Variants in RYR3 observed in about 807,000 individuals in gnomAD.
RYR3 encodes the protein ryanodine receptor 3.
RYR3 carries 207 observed loss-of-function variants against 584.3 expected under a neutral mutation model. The observed-to-expected ratio is 0.35, with a 90% CI of 0.32 to 0.40. The LOEUF (loss-of-function observed/expected upper bound fraction) is 0.40, where lower values mean the gene tolerates loss of function less well. RYR3 is among the 10% of genes least tolerant of loss of function. The probability of loss-of-function intolerance (pLI) is 1.00; values close to 1 mark genes in which losing one functional copy is unlikely to be tolerated. For missense variants in RYR3, 5,616 were observed against 6,089.2 expected, an observed-to-expected ratio of 0.92 and a Z score of 2.59; for synonymous variants, 2,416 against 2,248.5, an observed-to-expected ratio of 1.07 and a Z score of -2.11.
At chr15:33,798,108 A>T (rs1596650897) in intron 67 of RYR3, among the ~76,000 whole-genome samples, 1 of 134,110 alleles carries the variant, frequency 7.5e-6, no homozygotes, top group African/African-American at 2.8e-5. Context: ...TTTTTTTGAG[A>T]TGGAGTCTTG....
intron 16 of RYR3, among the ~76,000 whole-genome samples, chr15:33,587,882 C>G (rs1448406927): frequency 3.9e-5 from 6 of 152,194 alleles, no homozygotes; most frequent in African/African-American, 1.4e-4. Context: ...GGCCAGACTT[C>G]CATTGCAACA....
chr15:33,368,843 G>A (rs902206357), intron 1 of RYR3, among the ~76,000 whole-genome samples: 12 of 152,124 alleles, frequency 7.9e-5, no homozygotes, highest in African/African-American at 2.7e-4. Flanking sequence ...AACTTAGAGC[G>A]AGGTCCAGAA....
chr15:33,857,751 T>G (rs1278017079), intron 98 of RYR3, 29 bp from the exon 99 acceptor site: 1 of 1,613,222 alleles, frequency 6.2e-7, no homozygotes. Flanking sequence ...ACCCCACTCC[T>G]TTTCCTTTCT....
chr15:33,703,746 C>G, intron 42 of RYR3, among the ~76,000 whole-genome samples: 1 of 152,232 alleles, frequency 6.6e-6, no homozygotes, highest in Middle Eastern at 3.4e-3. Context: ...AAATATCAGA[C>G]ATTTTTACAA....
At chr15:33,684,979 C>T (rs1413837384) in intron 38 of RYR3, among the ~76,000 whole-genome samples, 1 of 152,180 alleles carries the variant, frequency 6.6e-6, no homozygotes, top group Non-Finnish European at 1.5e-5. Flanking sequence ...CAGTACCAGC[C>T]ACTGCAAAAA....
At chr15:33,599,377 T>C (rs1175788173) in intron 16 of RYR3, among the ~76,000 whole-genome samples, 3 of 152,132 alleles carry the variant, frequency 2.0e-5, no homozygotes, top group Non-Finnish European at 2.9e-5. Context: ...TGACGACACG[T>C]GCCTAAGGTG....
At chr15:33,327,991 T>C (rs1969933222) in intron 1 of RYR3, among the ~76,000 whole-genome samples, 1 of 152,196 alleles carries the variant, frequency 6.6e-6, no homozygotes. Flanking sequence ...TGGGAATGAC[T>C]TGTTTTCAAT....
At chr15:33,631,757 A>G (rs2061277091) in intron 23 of RYR3, among the ~76,000 whole-genome samples, 1 of 152,152 alleles carries the variant, frequency 6.6e-6, no homozygotes, top group African/African-American at 2.4e-5. Context: ...ACACAGTTGC[A>G]CATTTCTTGT....
intron 18 of RYR3, among the ~76,000 whole-genome samples, chr15:33,608,255 A>T (rs1201135826): frequency 6.6e-6 from 1 of 152,166 alleles, no homozygotes; most frequent in African/African-American, 2.4e-5. Context: ...TGGGATTTGA[A>T]CTCAGTCCTG....
At chr15:33,681,390 C>G (rs1347269481) in intron 38 of RYR3, among the ~76,000 whole-genome samples, 1 of 152,158 alleles carries the variant, frequency 6.6e-6, no homozygotes, top group South Asian at 2.1e-4. Context: ...GGGCTGCATT[C>G]CTTCTGGACT....
At position 33,771,843 on chromosome 15, in the gene RYR3, G is replaced by A. The variant is rs74005995; in HGVS notation, c.8817-77G>A. ...AGGAGTGGCAAATGTCTGCCCAGAT[G>A]ACACTGCCAGTTTCAAGAAGGGGAT... On this transcript the variant is annotated intron_variant, in intron 62 of 103. Coordinates refer to ENST00000634891, the MANE Select transcript of RYR3 (RefSeq NM_001036.6). 2.3e-4 allele frequency: 230 copies of A among 997,820 alleles called. 1 individual carries two copies. In the African/African-American group the frequency reaches 2.9e-3, roughly 12 times the overall value. The allele number at this position is 997,820 out of a possible 1,614,324, so 61.8% of individuals were successfully genotyped here.
intron 34 of RYR3, 79 bp downstream of exon 34, chr15:33,660,502 A>G: frequency 1.0e-6 from 1 of 967,690 alleles, no homozygotes; most frequent in African/African-American, 1.6e-5. Context: ...GAAGGAAACC[A>G]GGAGCATCTG....
At chr15:33,650,401 G>A (rs2062398729) in intron 31 of RYR3, among the ~76,000 whole-genome samples, 1 of 152,068 alleles carries the variant, frequency 6.6e-6, no homozygotes, top group Admixed American at 6.6e-5. Context: ...AAAAAAATAA[G>A]TGCTGGCTTT....
chr15:33,805,735 C>T (rs560632853), intron 69 of RYR3, among the ~76,000 whole-genome samples: 4 of 152,144 alleles, frequency 2.6e-5, no homozygotes, highest in Non-Finnish European at 5.9e-5. Flanking sequence ...CCTCGGCCTC[C>T]CAAAGTGCTG....
In RYR3 at chr15:33,757,583, GA is replaced by G; in HGVS notation, c.8695del (p.Met2899TrpfsTer28). The stretch of plus-strand genomic sequence containing the variant: ...CGGATATGCCTCCCATAAGGAGAAA[GA>G]AATGGTGGCCGGGTGAGTCTACAAG... ...SSGYASHKEKEMVAGLFCKLA... is the reference protein window; with the variant it reads ...SSGYASHKEKXMVAGLFCKLA... On this transcript the variant is annotated frameshift_variant, in exon 60 of 104. Coordinates refer to ENST00000634891, the MANE Select transcript of RYR3 (RefSeq NM_001036.6). LOFTEE classifies it high-confidence loss of function. The G allele has an allele frequency of 6.2e-7, 1 of 1,610,922 alleles. No homozygotes were observed. The highest frequency in any genetic ancestry group is 8.5e-7 in the Non-Finnish European group (1 of 1,178,802).
chr15:33,425,943 G>GT (rs2044623815), intron 1 of RYR3, among the ~76,000 whole-genome samples: 1 of 152,034 alleles, frequency 6.6e-6, no homozygotes, highest in Non-Finnish European at 1.5e-5. Flanking sequence ...CGCCTGGACT[G>GT]TTTTTTTATT....
rs1315596219 is a variant in RYR3 at position 33,859,235 on chromosome 15, G to C, written c.14143-340G>C. ...GTTTATAGCACAGCCTGAAGGCCAGGCTAACACTCTTAAAATTAAATGAGG... is the reference window on the plus strand; with the variant it reads ...GTTTATAGCACAGCCTGAAGGCCAGCCTAACACTCTTAAAATTAAATGAGG... On this transcript the variant is annotated intron_variant, in intron 99 of 103. Coordinates refer to ENST00000634891, the MANE Select transcript of RYR3 (RefSeq NM_001036.6). 1.7e-5 allele frequency: 4 copies of C among 236,162 alleles called. No individual in the cohort carries two copies. In the East Asian group the frequency reaches 2.6e-4, roughly 16 times the overall value. 14.6% of individuals were successfully genotyped at this position (236,162 alleles called of 1,614,324 possible). A position where few individuals can be genotyped will look rare whatever the true frequency, so the allele number is the denominator to read the frequency against.
intron 1 of RYR3, among the ~76,000 whole-genome samples, chr15:33,443,989 G>A (rs563170945): frequency 6.6e-6 from 1 of 152,324 alleles, no homozygotes; most frequent in African/African-American, 2.4e-5. Flanking sequence ...CTCACACCCT[G>A]TAGGTTATAT....
rs775426910 is a variant in RYR3 at position 33,633,006 on chromosome 15, G to A, written c.2925G>A (p.Leu975=). 2 of 1,613,978 alleles carry A rather than the reference G, an allele frequency of 1.2e-6. No individual in the cohort carries two copies. The highest frequency in any genetic ancestry group is 8.5e-7 in the Non-Finnish European group (1 of 1,179,844). Residue 975 remains leucine, a synonymous_variant, in exon 24 of 104, where the codon CTG becomes CTA. Transcript: ENST00000634891. ...CTTTGGATTTGTCTGATGTGAAGCT[G>A]TTACCTCCTCAAGAAATTTTAGTGG... is the stretch of plus-strand genomic sequence containing the variant. The part of the protein sequence containing the change: ...PAPLDLSDVK[L]LPPQEILVDK...
Sources: gnomAD v4.1 joint callset for allele counts (sites outside exome capture counted in the v4.1 genomes callset) on GRCh38, gnomAD v4.1.1 for gene constraint, MANE v1.5 for transcripts, NCBI Gene and HGNC (gene_info 2026-07-23, HGNC 2026-07-21) for gene names.